The following PDE4B variants were observed in gnomAD, a reference collection of about 807,000 sequenced individuals.
PDE4B encodes 3',5'-cyclic-AMP phosphodiesterase 4B.
PDE4B carries 20 observed loss-of-function variants against 82.2 expected under a neutral mutation model. The ratio of observed to expected loss-of-function variants is 0.24; its 90% CI spans 0.17 to 0.35. The LOEUF is 0.35. Among genes scored for constraint, PDE4B ranks in the 10% least tolerant of loss-of-function variants. PDE4B has a pLI of 1.00. For synonymous variants in PDE4B, 320 were observed against 318.9 expected (o/e 1.00, Z -0.04); for missense variants, 655 against 907.2 (o/e 0.72, Z 3.57).
At chr1:65,941,088 G>A (rs573032976) in intron 3 of PDE4B, among the ~76,000 whole-genome samples, 5 of 152,068 alleles carry the variant, frequency 3.3e-5, no homozygotes, top group African/African-American at 1.2e-4. Flanking sequence ...GGAAGACAGA[G>A]GTTTGAATGT....
intron 3 of PDE4B, among the ~76,000 whole-genome samples, chr1:66,078,942 A>T (rs1656575929): frequency 6.6e-6 from 1 of 151,846 alleles, no homozygotes; most frequent in Non-Finnish European, 1.5e-5. Flanking sequence ...ACCCAATCTA[A>T]CCCCCACAAT....
intron 7 of PDE4B, among the ~76,000 whole-genome samples, chr1:66,322,138 G>GA (rs2101893390): frequency 6.6e-6 from 1 of 152,282 alleles, no homozygotes; most frequent in South Asian, 2.1e-4. Flanking sequence ...GCTGAAACTG[G>GA]ATCCCTTCCT....
chr1:65,959,629 T>A (rs1225323609), intron 3 of PDE4B, among the ~76,000 whole-genome samples: 1 of 151,982 alleles, frequency 6.6e-6, no homozygotes, highest in African/African-American at 2.4e-5. Flanking sequence ...TATAACATCA[T>A]CCTGTAAAGT....
At chr1:65,890,071 A>C (rs997154246) in intron 1 of PDE4B, among the ~76,000 whole-genome samples, 1 of 152,126 alleles carries the variant, frequency 6.6e-6, no homozygotes, top group Non-Finnish European at 1.5e-5. Flanking sequence ...TGAGAAATTT[A>C]GAACTGCTAG....
intron 3 of PDE4B, among the ~76,000 whole-genome samples, chr1:66,148,830 C>G (rs1179742616): frequency 6.6e-6 from 1 of 152,154 alleles, no homozygotes; most frequent in Admixed American, 6.5e-5. Context: ...TAGCATGTAC[C>G]TGTACTTTAT....
intron 1 of PDE4B, among the ~76,000 whole-genome samples, chr1:65,884,840 A>T (rs1306852929): frequency 6.6e-6 from 1 of 152,228 alleles, no homozygotes; most frequent in Non-Finnish European, 1.5e-5. Flanking sequence ...CAATGGCAAC[A>T]AAGGCCAAAG....
chr1:65,947,856 A>G (rs913835678), intron 3 of PDE4B, among the ~76,000 whole-genome samples: 10 of 151,492 alleles, frequency 6.6e-5, no homozygotes, highest in African/African-American at 2.4e-4. Context: ...TGTGAAATAA[A>G]CTTCTGTTGT....
intron 3 of PDE4B, among the ~76,000 whole-genome samples, chr1:66,050,354 A>G (rs1654952960): frequency 6.6e-6 from 1 of 152,090 alleles, no homozygotes; most frequent in Admixed American, 6.6e-5. Context: ...TTTAGCAGAA[A>G]TAGAATTTGG....
chr1:65,983,453 C>T (rs1235423226), intron 3 of PDE4B, among the ~76,000 whole-genome samples: 3 of 152,114 alleles, frequency 2.0e-5, no homozygotes, highest in Non-Finnish European at 2.9e-5. Flanking sequence ...TTCTAACCCC[C>T]AGTACCTCAG....
At chr1:66,272,074 T>C (rs745318951) in intron 7 of PDE4B, among the ~76,000 whole-genome samples, 2 of 152,226 alleles carry the variant, frequency 1.3e-5, no homozygotes, top group Non-Finnish European at 2.9e-5. Flanking sequence ...CTGCCTCATC[T>C]GCAGCGCTCC....
intron 3 of PDE4B, among the ~76,000 whole-genome samples, chr1:66,089,530 T>A (rs529464710): frequency 2.0e-5 from 3 of 152,216 alleles, no homozygotes; most frequent in Admixed American, 2.0e-4. Context: ...TAGATAAAGT[T>A]GTAAAATTAA....
intron 3 of PDE4B, among the ~76,000 whole-genome samples, chr1:66,209,668 C>A (rs1649866735): frequency 2.0e-5 from 3 of 152,184 alleles, no homozygotes; most frequent in Middle Eastern, 3.2e-3. Flanking sequence ...TTGCTTTGTG[C>A]CCTTTTGCAG....
At chr1:66,134,763 CT>C (rs1182228588) in intron 3 of PDE4B, among the ~76,000 whole-genome samples, 2 of 152,142 alleles carry the variant, frequency 1.3e-5, no homozygotes, top group Non-Finnish European at 2.9e-5. Context: ...CAATTATTTC[CT>C]TTTCTCCAAA....
intron 1 of PDE4B, among the ~76,000 whole-genome samples, chr1:65,856,690 A>G (rs2100236179): frequency 6.6e-6 from 1 of 152,312 alleles, no homozygotes; most frequent in Admixed American, 6.5e-5. Context: ...CTTTGGGTAT[A>G]TACTCAGTAA....
intron 3 of PDE4B, among the ~76,000 whole-genome samples, chr1:66,020,523 T>C (rs1289509832): frequency 1.3e-5 from 2 of 148,854 alleles, no homozygotes; most frequent in Non-Finnish European, 3.0e-5. Flanking sequence ...TGTCCAAGTG[T>C]TCTCATTGTT....
intron 3 of PDE4B, among the ~76,000 whole-genome samples, chr1:66,214,473 GATTGCACATATATT>G (rs917330853): frequency 6.6e-6 from 1 of 152,086 alleles, no homozygotes; most frequent in African/African-American, 2.4e-5. Context: ...TGGGCTGAGG[GATTGCACATATATT>G]ATTGCATCAA....
At chr1:66,048,159 T>C (rs1256060910) in intron 3 of PDE4B, among the ~76,000 whole-genome samples, 1 of 151,954 alleles carries the variant, frequency 6.6e-6, no homozygotes, top group East Asian at 1.9e-4. Context: ...AGCCTCTGAA[T>C]GCAATGTTTG....
intron 8 of PDE4B, among the ~76,000 whole-genome samples, chr1:66,346,660 G>A (rs568563510): frequency 6.6e-6 from 1 of 152,242 alleles, no homozygotes; most frequent in South Asian, 2.1e-4. Context: ...AGCATGCTAT[G>A]GGAATTCTGT....
chr1:66,218,846 A>G (rs906064383), intron 3 of PDE4B, among the ~76,000 whole-genome samples: 1 of 152,168 alleles, frequency 6.6e-6, no homozygotes, highest in Admixed American at 6.6e-5. Context: ...GGATGGTTGC[A>G]TCCAGCTACA....
Sources: allele counts gnomAD v4.1 joint callset (sites outside exome capture counted in the v4.1 genomes callset), GRCh38; gene constraint gnomAD v4.1.1; transcripts MANE v1.5; gene names NCBI Gene and HGNC (gene_info 2026-07-23, HGNC 2026-07-21).